Variants in HABP4 observed in about 807,000 individuals in gnomAD.
HABP4 encodes hyaluronan binding protein 4.
HABP4 carries 32 observed loss-of-function variants against 44.1 expected under a neutral mutation model. The ratio of observed to expected loss-of-function variants is 0.73; its 90% CI spans 0.55 to 0.97. The LOEUF (loss-of-function observed/expected upper bound fraction) is 0.97, where lower values mean the gene tolerates loss of function less well. Ranked by LOEUF, HABP4 falls within the 50% of genes least tolerant of loss-of-function variation. HABP4 has a pLI of 0.00. For missense variants in HABP4, 503 were observed against 561.9 expected, an observed-to-expected ratio of 0.90 and a Z score of 1.06; for synonymous variants, 216 against 218.0, an observed-to-expected ratio of 0.99 and a Z score of 0.08.
rs955314447 is a variant in HABP4, at chr9:96,451,478, G to A, written c.349+850G>A. On this transcript the variant is annotated intron_variant, in intron 1 of 7. Transcript: ENST00000375249. The stretch of plus-strand genomic sequence containing the variant: ...CCTGTTTTCTTGAAATGAGGCAGCG[G>A]TCCCAAGGTTTGCAGAGTGTTAGGA... 15 of 984,842 alleles carry A rather than the reference G, an allele frequency of 1.5e-5. No homozygotes were observed. The African/African-American group carries it at 2.6e-4, about 17-fold the overall frequency. 61.0% of individuals were successfully genotyped at this position (984,842 alleles called of 1,614,324 possible). A position where few individuals can be genotyped will look rare whatever the true frequency, so the allele number is the denominator to read the frequency against.
At chr9:96,473,305 G>A (rs1488664274) in intron 5 of HABP4, among the ~76,000 whole-genome samples, 1 of 152,136 alleles carries the variant, frequency 6.6e-6, no homozygotes, top group African/African-American at 2.4e-5. Flanking sequence ...TCCTCACTCA[G>A]TGTTTCCATC....
chr9:96,480,308 A>G (rs1832854113), intron 5 of HABP4, among the ~76,000 whole-genome samples: 1 of 152,222 alleles, frequency 6.6e-6, no homozygotes, highest in Non-Finnish European at 1.5e-5. Context: ...ATAGCAGTAT[A>G]TACAGATAGT....
At chr9:96,485,865 A>G (rs1191112942) in intron 6 of HABP4, among the ~76,000 whole-genome samples, 1 of 152,060 alleles carries the variant, frequency 6.6e-6, no homozygotes, top group Non-Finnish European at 1.5e-5. Flanking sequence ...ATGTTATGCT[A>G]TTGTAGAGTT....
At chr9:96,458,006 C>T (rs1018076309) in intron 1 of HABP4, among the ~76,000 whole-genome samples, 1 of 152,142 alleles carries the variant, frequency 6.6e-6, no homozygotes, top group Non-Finnish European at 1.5e-5. Context: ...ATAGGGTATT[C>T]TTTCATTTTC....
chr9:96,457,230 G>A (rs1463251111), intron 1 of HABP4, among the ~76,000 whole-genome samples: 1 of 152,088 alleles, frequency 6.6e-6, no homozygotes, highest in South Asian at 2.1e-4. Context: ...GCCAGGCGTG[G>A]TGGCGCAGGC....
chr9:96,490,047 T>A lies in HABP4; in HGVS notation c.*9T>A. The A allele has an allele frequency of 6.4e-7, 1 of 1,573,952 alleles. No homozygotes were observed. The highest frequency in any genetic ancestry group is 8.7e-7 in the Non-Finnish European group (1 of 1,143,210). On this transcript the variant is annotated 3_prime_UTR_variant, in exon 8 of 8. Coordinates refer to ENST00000375249, the MANE Select transcript of HABP4 (RefSeq NM_014282.4). ...TCCCTGCGCTGTCTTGAAAGAGCCC[T>A]GTTTCCCAGCACCGCGGAGCTGCAC...
chr9:96,455,489 C>G (rs532442475), intron 1 of HABP4, among the ~76,000 whole-genome samples: 3 of 145,030 alleles, frequency 2.1e-5, no homozygotes, highest in Middle Eastern at 4.0e-3. Context: ...AGTGGCCAGG[C>G]ACAGTGACTC....
intron 2 of HABP4, among the ~76,000 whole-genome samples, chr9:96,461,610 C>T (rs1215820703): frequency 6.6e-6 from 1 of 151,992 alleles, no homozygotes; most frequent in Non-Finnish European, 1.5e-5. Flanking sequence ...ACGTTCTCTG[C>T]CTGGGTAGAA....
chr9:96,487,181 T>C (rs1231619898), intron 6 of HABP4, among the ~76,000 whole-genome samples: 1 of 152,048 alleles, frequency 6.6e-6, no homozygotes, highest in Non-Finnish European at 1.5e-5. Flanking sequence ...CTAAAGGTGT[T>C]GATATGCTCG....
intron 5 of HABP4, among the ~76,000 whole-genome samples, chr9:96,481,090 T>A (rs1329089731): frequency 6.6e-6 from 1 of 152,186 alleles, no homozygotes; most frequent in Non-Finnish European, 1.5e-5. Context: ...CTGTTTTGTT[T>A]TGTTTTGTTT....
intron 2 of HABP4, among the ~76,000 whole-genome samples, chr9:96,463,985 T>G (rs75035340): frequency 0.014 from 2,088 of 152,210 alleles, 45 homozygotes; most frequent in African/African-American, 0.047. Context: ...GTTACAATGG[T>G]GAAAAAGAGC....
At chr9:96,464,480 G>A (rs915357241) in intron 2 of HABP4, among the ~76,000 whole-genome samples, 4 of 152,232 alleles carry the variant, frequency 2.6e-5, no homozygotes, top group African/African-American at 9.6e-5. Flanking sequence ...CAAGTGGTTA[G>A]GCACGAGAGG....
At chr9:96,468,256 ATT>A (rs768235429) in intron 4 of HABP4, among the ~76,000 whole-genome samples, 7 of 122,792 alleles carry the variant, frequency 5.7e-5, no homozygotes, top group Admixed American at 1.6e-4. Flanking sequence ...TACACCCAGC[ATT>A]TTTTTTTTTT....
intron 7 of HABP4, among the ~76,000 whole-genome samples, chr9:96,489,421 G>A (rs1362626760): frequency 9.7e-5 from 8 of 82,162 alleles, no homozygotes; most frequent in African/African-American, 3.4e-4. Context: ...GCCCGCCCCC[G>A]CCCCCATCAG....
At position 96,488,899 on chromosome 9, in the gene HABP4, C is replaced by T. The variant is rs140037702; in HGVS notation, c.1185+625C>T. ...TTCATTGAAGCCTGATCTCCGTGTG[C>T]GGCTGTATTCTCACTGGTGTGGCTA... On this transcript the variant is annotated intron_variant, in intron 7 of 7. Coordinates refer to ENST00000375249, the MANE Select transcript of HABP4 (RefSeq NM_014282.4). The surrounding 1 kb of genome is among the most constrained non-coding windows in gnomAD (Gnocchi z 4.6). 5.9e-4 allele frequency among the ~76,000 whole-genome samples: 90 copies of T among 152,326 alleles called. No individual in the cohort carries two copies. In the East Asian group the frequency reaches 0.012, roughly 20 times the overall value.
rs1312871706 is a variant in HABP4 at position 96,488,900 on chromosome 9, G to A, written c.1185+626G>A. Among the ~76,000 whole-genome samples, 1 of 152,278 alleles carries A rather than the reference G, an allele frequency of 6.6e-6. No individual in the cohort carries two copies. The highest frequency in any genetic ancestry group is 3.4e-3 in the Middle Eastern group (1 of 294). ...TCATTGAAGCCTGATCTCCGTGTGC[G>A]GCTGTATTCTCACTGGTGTGGCTAT... On this transcript the variant is annotated intron_variant, in intron 7 of 7. Coordinates refer to ENST00000375249, the MANE Select transcript of HABP4 (RefSeq NM_014282.4). This position sits in a 1 kb window ranked among gnomAD's most constrained non-coding sequence, Gnocchi z 4.6.
At chr9:96,464,260 A>C (rs1832557862) in intron 2 of HABP4, among the ~76,000 whole-genome samples, 1 of 152,218 alleles carries the variant, frequency 6.6e-6, no homozygotes. Context: ...CATGTCCTGC[A>C]ATCAGATGAG....
chr9:96,484,756 A>G, intron 6 of HABP4, 123 bp downstream of exon 6: 1 of 651,654 alleles, frequency 1.5e-6, no homozygotes, highest in East Asian at 2.7e-5. Flanking sequence ...GTTTCTAATC[A>G]GAGATGATGC....
At chr9:96,456,162 A>G (rs1454826398) in intron 1 of HABP4, among the ~76,000 whole-genome samples, 1 of 152,240 alleles carries the variant, frequency 6.6e-6, no homozygotes, top group African/African-American at 2.4e-5. Flanking sequence ...ACTACAGGAT[A>G]TGAATTGAAT....
Sources: gnomAD v4.1 joint callset for allele counts (sites outside exome capture counted in the v4.1 genomes callset) on GRCh38, gnomAD v4.1.1 for gene constraint, Gnocchi (gnomAD v3.1) non-coding constraint, MANE v1.5 for transcripts, NCBI Gene and HGNC (gene_info 2026-07-23, HGNC 2026-07-21) for gene names.